The following PLPPR1 variants were observed in gnomAD, a reference collection of about 807,000 sequenced individuals.
PLPPR1 encodes phospholipid phosphatase related 1, also known as phospholipid phosphatase-related protein type 1.
A neutral mutation model predicts 33.1 loss-of-function variants in PLPPR1; 10 were observed. That is an observed-to-expected ratio of 0.30 (90% CI 0.19 to 0.51). The LOEUF (loss-of-function observed/expected upper bound fraction) is 0.51, where lower values mean the gene tolerates loss of function less well. PLPPR1 is among the 20% of genes least tolerant of loss of function. The probability of loss-of-function intolerance (pLI) is 0.97; values close to 1 mark genes in which losing one functional copy is unlikely to be tolerated. For synonymous variants in PLPPR1, 151 were observed against 151.0 expected, an observed-to-expected ratio of 1.00 and a Z score of 0.00; for missense variants, 304 against 408.1, an observed-to-expected ratio of 0.74 and a Z score of 2.20.
rs113376363 is a variant in PLPPR1 at position 101,291,151 on chromosome 9, C to T, written c.385+4915C>T. On this transcript the variant is annotated intron_variant, in intron 4 of 7. Transcript: ENST00000374874. ...AGGAGATTATATCCCTCACATGGCT[C>T]GGAGGGTCCTACGCCCATGGAGTCT... Among the ~76,000 whole-genome samples the T allele has an allele frequency of 8.0e-3, 1,214 of 152,346 alleles. 16 individuals carry two copies. The highest frequency in any genetic ancestry group is 0.026 in the African/African-American group (1,079 of 41,582).
intron 2 of PLPPR1, among the ~76,000 whole-genome samples, chr9:101,238,250 A>C (rs1348283240): frequency 1.2e-4 from 16 of 135,920 alleles, no homozygotes; most frequent in African/African-American, 4.3e-4. Context: ...CTATATAGAG[A>C]GAGGTATATA....
chr9:101,238,259 T>A (rs10989449), intron 2 of PLPPR1, among the ~76,000 whole-genome samples: 4,320 of 135,964 alleles, frequency 0.032, 114 homozygotes, highest in South Asian at 0.11. Context: ...GAGAGGTATA[T>A]ATACACCCTA....
chr9:101,078,108 A>AGAAGGAGAAGGAGAAGG lies in PLPPR1; in HGVS notation c.-46+49006_-46+49007insGAAGGAGAAGGAGAAGG, dbSNP rs1564138139. ...GGAGGAGGAGAAGGAGAAGGAGAAG[A>AGAAGGAGAAGGAGAAGG]AGAAGAAGAAGAAGAAGAAGAAGAA... On this transcript the variant is annotated intron_variant, in intron 1 of 7. Coordinates refer to ENST00000374874, the MANE Select transcript of PLPPR1 (RefSeq NM_207299.2). Among the ~76,000 whole-genome samples the AGAAGGAGAAGGAGAAGG allele has an allele frequency of 1.9e-3, 51 of 26,326 alleles. 3 individuals are homozygous for AGAAGGAGAAGGAGAAGG. The highest frequency in any genetic ancestry group is 4.5e-3 in the East Asian group (4 of 894). 17.3% of individuals were successfully genotyped at this position (26,326 alleles called of 152,430 possible). A position where few individuals can be genotyped will look rare whatever the true frequency, so the allele number is the denominator to read the frequency against.
At chr9:101,145,382 C>T (rs1226327450) in intron 1 of PLPPR1, among the ~76,000 whole-genome samples, 2 of 152,006 alleles carry the variant, frequency 1.3e-5, no homozygotes, top group Non-Finnish European at 2.9e-5. Flanking sequence ...CACAATAAAT[C>T]TATACAATTT....
chr9:101,151,066 C>T (rs1035456169), intron 1 of PLPPR1, among the ~76,000 whole-genome samples: 9 of 151,830 alleles, frequency 5.9e-5, no homozygotes, highest in Non-Finnish European at 1.0e-4. Context: ...TTTGAGAGAA[C>T]AGAATAAAAT....
intron 1 of PLPPR1, among the ~76,000 whole-genome samples, chr9:101,073,648 G>A (rs1047100496): frequency 9.2e-5 from 14 of 152,118 alleles, no homozygotes; most frequent in African/African-American, 1.9e-4. Context: ...TTGTCTTTTC[G>A]TATGGGCTTT....
At chr9:101,227,032 G>A (rs1199137424) in intron 2 of PLPPR1, among the ~76,000 whole-genome samples, 1 of 152,112 alleles carries the variant, frequency 6.6e-6, no homozygotes, top group Non-Finnish European at 1.5e-5. Context: ...CCCCAGCAAA[G>A]GTGCCTGTGC....
intron 3 of PLPPR1, among the ~76,000 whole-genome samples, chr9:101,272,065 T>G (rs1288909681): frequency 6.6e-6 from 1 of 152,088 alleles, no homozygotes; most frequent in Admixed American, 6.6e-5. Context: ...AATATAAACT[T>G]AAGACTTATT....
chr9:101,168,518 T>C (rs1294070172), intron 1 of PLPPR1, among the ~76,000 whole-genome samples: 2 of 152,192 alleles, frequency 1.3e-5, no homozygotes, highest in African/African-American at 4.8e-5. Flanking sequence ...CTACTTCCTA[T>C]GAATTCTCAT....
chr9:101,135,089 ACTTG>A (rs1831362585), intron 1 of PLPPR1, among the ~76,000 whole-genome samples: 1 of 152,158 alleles, frequency 6.6e-6, no homozygotes, highest in Non-Finnish European at 1.5e-5. Flanking sequence ...TGGCTAGTGA[ACTTG>A]CAACTGCATC....
At chr9:101,211,952 G>T (rs371235642) in intron 2 of PLPPR1, among the ~76,000 whole-genome samples, 1 of 152,058 alleles carries the variant, frequency 6.6e-6, no homozygotes, top group Non-Finnish European at 1.5e-5. Context: ...AATTAAATTG[G>T]CCAAGATTAT....
intron 1 of PLPPR1, among the ~76,000 whole-genome samples, chr9:101,116,935 A>G (rs1831124792): frequency 6.6e-6 from 1 of 152,178 alleles, no homozygotes; most frequent in South Asian, 2.1e-4. Context: ...GTGGCCCTCA[A>G]CATACTGATG....
intron 1 of PLPPR1, among the ~76,000 whole-genome samples, chr9:101,042,863 T>C (rs776327692): frequency 2.0e-5 from 3 of 152,172 alleles, no homozygotes; most frequent in African/African-American, 7.2e-5. Flanking sequence ...CCCAGGATAA[T>C]TTCTCCTCTG....
chr9:101,276,650 A>G (rs1828201847), intron 3 of PLPPR1, among the ~76,000 whole-genome samples: 1 of 152,178 alleles, frequency 6.6e-6, no homozygotes, highest in South Asian at 2.1e-4. Context: ...TAAAATTCCC[A>G]TTTCTCTTGT....
chr9:101,321,076 C>A (rs1829141872), intron 7 of PLPPR1, among the ~76,000 whole-genome samples: 1 of 152,238 alleles, frequency 6.6e-6, no homozygotes, highest in Admixed American at 6.5e-5. Context: ...GCAACTCCAA[C>A]AGCCATGGTT....
chr9:101,277,009 T>C (rs1828209003), intron 3 of PLPPR1, among the ~76,000 whole-genome samples: 1 of 152,134 alleles, frequency 6.6e-6, no homozygotes, highest in African/African-American at 2.4e-5. Flanking sequence ...AGGTCTGGGG[T>C]TATCAATGTG....
intron 2 of PLPPR1, among the ~76,000 whole-genome samples, chr9:101,232,097 A>G (rs1827197883): frequency 6.6e-6 from 1 of 152,100 alleles, no homozygotes; most frequent in Admixed American, 6.6e-5. Flanking sequence ...TGCAGCCACA[A>G]GTGAATGAAC....
chr9:101,147,195 G>A (rs2567302), intron 1 of PLPPR1, among the ~76,000 whole-genome samples: 99,902 of 151,944 alleles, frequency 0.66, 33,698 homozygotes, highest in Non-Finnish European at 0.74. Flanking sequence ...ATTCTACCTC[G>A]TGCTTAGTGG....
chr9:101,115,199 T>C (rs1406916804), intron 1 of PLPPR1, among the ~76,000 whole-genome samples: 1 of 152,162 alleles, frequency 6.6e-6, no homozygotes, highest in Non-Finnish European at 1.5e-5. Context: ...CCCACTCACT[T>C]CTGGAAGATG....
Sources: gnomAD v4.1 joint callset for allele counts (sites outside exome capture counted in the v4.1 genomes callset) on GRCh38, gnomAD v4.1.1 for gene constraint, MANE v1.5 for transcripts, NCBI Gene and HGNC (gene_info 2026-07-23, HGNC 2026-07-21) for gene names.